The following NAA11 variants were observed in gnomAD, a reference collection of about 807,000 sequenced individuals.
NAA11 encodes the protein N-alpha-acetyltransferase 11.
NAA11 carries 15 observed loss-of-function variants against 16.1 expected under a neutral mutation model. The observed-to-expected ratio is 0.93, with a 90% confidence interval of 0.62 to 1.44. The LOEUF is 1.44. NAA11 is among the 40% of genes most tolerant of loss of function. The pLI is 0.00. For synonymous variants in NAA11, 122 were observed against 112.4 expected (o/e 1.09, Z -0.54); for missense variants, 298 against 291.3 (o/e 1.02, Z -0.17).
intron 2 of NAA11, among the ~76,000 whole-genome samples, chr4:79,286,183 C>T (rs1480351959): frequency 6.6e-6 from 1 of 152,058 alleles, no homozygotes; most frequent in Non-Finnish European, 1.5e-5. Flanking sequence ...ATTCTACGAA[C>T]CCACAATGGC....
At chr4:79,296,856 C>G (rs1723234211) in intron 1 of NAA11, among the ~76,000 whole-genome samples, 1 of 152,200 alleles carries the variant, frequency 6.6e-6, no homozygotes, top group Non-Finnish European at 1.5e-5. Flanking sequence ...CTCCTGAATT[C>G]TCACTCCCAT....
At chr4:79,276,973 A>G (rs1309576765) in intron 2 of NAA11, among the ~76,000 whole-genome samples, 1 of 152,196 alleles carries the variant, frequency 6.6e-6, no homozygotes, top group Non-Finnish European at 1.5e-5. Flanking sequence ...CGTTAAAGGA[A>G]TAGCTGAACA....
chr4:79,262,671 G>A (rs941277876), intron 2 of NAA11, among the ~76,000 whole-genome samples: 1 of 152,122 alleles, frequency 6.6e-6, no homozygotes, highest in Non-Finnish European at 1.5e-5. Context: ...TTGAGTGGCT[G>A]AACCAATTAT....
intron 1 of NAA11, among the ~76,000 whole-genome samples, chr4:79,295,877 C>A (rs1231788899): frequency 6.6e-6 from 1 of 152,030 alleles, no homozygotes; most frequent in Non-Finnish European, 1.5e-5. Context: ...ATAAAATATA[C>A]AATTTGTTCT....
chr4:79,272,325 C>G (rs1347930078), intron 2 of NAA11, among the ~76,000 whole-genome samples: 1 of 151,834 alleles, frequency 6.6e-6, no homozygotes, highest in African/African-American at 2.4e-5. Context: ...TTAAAAGAAC[C>G]AAATTTCCTG....
the NAA11 span, among the ~76,000 whole-genome samples, chr4:79,158,569 T>G: frequency 1.8e-4 from 27 of 151,502 alleles, no homozygotes; most frequent in Non-Finnish European, 2.7e-4. Context: ...GCAATTCCCA[T>G]TAAAATACCA....
At chr4:79,324,481 A>T (rs1159150561) in intron 1 of NAA11, among the ~76,000 whole-genome samples, 1 of 152,134 alleles carries the variant, frequency 6.6e-6, no homozygotes, top group African/African-American at 2.4e-5. Flanking sequence ...TGTGCCATTT[A>T]TTTGTTGAAG....
chr4:79,310,078 A>C (rs113166476), intron 1 of NAA11, among the ~76,000 whole-genome samples: 78 of 152,170 alleles, frequency 5.1e-4, no homozygotes, highest in African/African-American at 1.9e-3. Context: ...ATTATTCCTC[A>C]TCTGTGAACC....
At chr4:79,218,665 AT>A in the NAA11 span, among the ~76,000 whole-genome samples, 1 of 152,040 alleles carries the variant, frequency 6.6e-6, no homozygotes, top group East Asian at 1.9e-4. Context: ...CTATTTTTTA[AT>A]ATTTTAATGT....
At chr4:79,172,341 A>T in the NAA11 span, among the ~76,000 whole-genome samples, 5,081 of 152,114 alleles carry the variant, frequency 0.033, 246 homozygotes, top group African/African-American at 0.099. Flanking sequence ...TATATTTTTT[A>T]AAAAAATTAA....
At chr4:79,216,244 G>A in the NAA11 span, among the ~76,000 whole-genome samples, 1 of 151,946 alleles carries the variant, frequency 6.6e-6, no homozygotes, top group East Asian at 1.9e-4. Flanking sequence ...AAACCATCCA[G>A]AGTCCCATTT....
chr4:79,181,371 A>C, the NAA11 span, among the ~76,000 whole-genome samples: 14 of 152,136 alleles, frequency 9.2e-5, no homozygotes, highest in Admixed American at 2.6e-4. Flanking sequence ...TTGCTAAGGA[A>C]GTGGGCGTGG....
intron 2 of NAA11, among the ~76,000 whole-genome samples, chr4:79,236,886 A>C (rs1721582864): frequency 6.6e-6 from 1 of 152,148 alleles, no homozygotes. Flanking sequence ...CATCTGTCTG[A>C]TAAAACAACT....
At chr4:79,209,817 G>A in the NAA11 span, among the ~76,000 whole-genome samples, 2 of 152,080 alleles carry the variant, frequency 1.3e-5, no homozygotes, top group South Asian at 2.1e-4. Context: ...AGATGGAGGT[G>A]GGCAAATTGC....
chr4:79,190,363 T>C, the NAA11 span, among the ~76,000 whole-genome samples: 1 of 152,160 alleles, frequency 6.6e-6, no homozygotes, highest in African/African-American at 2.4e-5. Flanking sequence ...AGTTTGTATA[T>C]GAAGAGCCTT....
At chr4:79,241,420 T>C (rs998885918) in intron 2 of NAA11, among the ~76,000 whole-genome samples, 1 of 152,190 alleles carries the variant, frequency 6.6e-6, no homozygotes, top group Non-Finnish European at 1.5e-5. Flanking sequence ...GAGTCGATTT[T>C]TGATTGCATG....
At chr4:79,174,315 C>A in the NAA11 span, among the ~76,000 whole-genome samples, 1 of 152,100 alleles carries the variant, frequency 6.6e-6, no homozygotes, top group South Asian at 2.1e-4. Flanking sequence ...TCCTTAAATG[C>A]AGCACATTTC....
At chr4:79,155,634 C>CTGTGA in the NAA11 span, among the ~76,000 whole-genome samples, 1 of 152,330 alleles carries the variant, frequency 6.6e-6, no homozygotes, top group South Asian at 2.1e-4. Flanking sequence ...TACAAATGAG[C>CTGTGA]TGTGAAATGG....
intron 1 of NAA11, among the ~76,000 whole-genome samples, chr4:79,295,653 G>A (rs184610894): frequency 6.6e-6 from 1 of 152,070 alleles, no homozygotes; most frequent in Admixed American, 6.5e-5. Context: ...AAAAAAGCAG[G>A]AAAGAAAATG....
Sources: gnomAD v4.1 joint callset for allele counts (sites outside exome capture counted in the v4.1 genomes callset) on GRCh38, gnomAD v4.1.1 for gene constraint, MANE v1.5 for transcripts, NCBI Gene and HGNC (gene_info 2026-07-23, HGNC 2026-07-21) for gene names.